Variants in KCNQ5 observed in about 807,000 individuals in gnomAD.
The protein encoded by KCNQ5 is potassium voltage-gated channel subfamily Q member 5, also known as potassium voltage-gated channel subfamily KQT member 5.
Under a neutral mutation model 98.2 loss-of-function variants are expected in KCNQ5, and 30 were observed. The ratio of observed to expected loss-of-function variants is 0.31; its 90% confidence interval spans 0.23 to 0.41. The LOEUF (loss-of-function observed/expected upper bound fraction) is 0.41, where lower values mean the gene tolerates loss of function less well. KCNQ5 is among the 10% of genes least tolerant of loss of function. The probability of loss-of-function intolerance (pLI) is 1.00; values close to 1 mark genes in which losing one functional copy is unlikely to be tolerated. For missense variants in KCNQ5, 835 were observed against 1,182.5 expected, an observed-to-expected ratio of 0.71 and a Z score of 4.31; for synonymous variants, 458 against 449.4, an observed-to-expected ratio of 1.02 and a Z score of -0.24.
chr6:72,793,763 C>T (rs535198606), intron 1 of KCNQ5, among the ~76,000 whole-genome samples: 4 of 152,342 alleles, frequency 2.6e-5, no homozygotes, highest in African/African-American at 9.6e-5. Flanking sequence ...AAGCAGGAAA[C>T]GGAGATGGGA....
In KCNQ5 at chr6:73,077,814, T is replaced by C; in HGVS notation, c.845T>C (p.Phe282Ser). ...IGFLVLIFSS[F>S]LVYLVEKDAN... ...TTTTTGGTTCTTATTTTTTCGTCTT[T>C]CCTTGTCTATCTGGTGGAAAAGGAT... Residue 282 changes from phenylalanine (F) to serine (S), a missense_variant, in exon 5 of 14, where the codon TTC becomes TCC. By Grantham distance (155) the Phe-to-Ser change is radical. This residue lies in a region of KCNQ5 where 30 missense variants were observed against 132.9 expected (regional missense o/e 0.23). Transcript: ENST00000370398. 1 of 1,612,446 alleles carries C rather than the reference T, an allele frequency of 6.2e-7. No homozygotes were observed. Among genetic ancestry groups the C allele is most frequent in the African/African-American group, 1.3e-5 (1 of 75,008 alleles).
chr6:72,896,282 G>A (rs1407541851), intron 1 of KCNQ5, among the ~76,000 whole-genome samples: 2 of 152,192 alleles, frequency 1.3e-5, no homozygotes, highest in South Asian at 2.1e-4. Flanking sequence ...GGAAATGGCA[G>A]ACAAAAAGCA....
At chr6:73,122,259 C>G (rs1775778692) in intron 8 of KCNQ5, among the ~76,000 whole-genome samples, 1 of 152,148 alleles carries the variant, frequency 6.6e-6, no homozygotes, top group Non-Finnish European at 1.5e-5. Flanking sequence ...AGAGAATTCT[C>G]AAGTGACAGA....
At chr6:73,183,230 G>A (rs756736297) in intron 11 of KCNQ5, among the ~76,000 whole-genome samples, 2 of 152,162 alleles carry the variant, frequency 1.3e-5, no homozygotes, top group African/African-American at 2.4e-5. Context: ...CACTGTGAGT[G>A]GAATGGTAAA....
chr6:72,939,502 T>G (rs1766121703), intron 1 of KCNQ5, among the ~76,000 whole-genome samples: 1 of 152,218 alleles, frequency 6.6e-6, no homozygotes, highest in Non-Finnish European at 1.5e-5. Flanking sequence ...GCCTCCAAAC[T>G]TTTTCTTCAA....
chr6:73,052,684 A>G (rs1025103631), intron 3 of KCNQ5, among the ~76,000 whole-genome samples: 1 of 152,236 alleles, frequency 6.6e-6, no homozygotes, highest in Non-Finnish European at 1.5e-5. Context: ...CAGGCGAGCA[A>G]ATGCTAAGGG....
At chr6:73,030,402 A>G (rs566201224) in intron 2 of KCNQ5, among the ~76,000 whole-genome samples, 2 of 152,290 alleles carry the variant, frequency 1.3e-5, no homozygotes, top group Admixed American at 6.5e-5. Flanking sequence ...AAAGCAAGTG[A>G]GCATACTAGT....
chr6:73,150,458 T>A (rs1162243226), intron 10 of KCNQ5, among the ~76,000 whole-genome samples: 2 of 146,898 alleles, frequency 1.4e-5, no homozygotes, highest in East Asian at 2.0e-4. Context: ...TAATATATAT[T>A]TTATTATATA....
intron 1 of KCNQ5, among the ~76,000 whole-genome samples, chr6:72,819,633 C>T (rs1775660413): frequency 6.6e-6 from 1 of 152,078 alleles, no homozygotes; most frequent in South Asian, 2.1e-4. Flanking sequence ...AGATACATGC[C>T]CTTGCTCCAG....
intron 1 of KCNQ5, among the ~76,000 whole-genome samples, chr6:72,899,447 A>G (rs1779389648): frequency 6.6e-6 from 1 of 152,170 alleles, no homozygotes; most frequent in African/African-American, 2.4e-5. Context: ...GGGTCAAACA[A>G]TATGAGTAGT....
At chr6:72,882,479 CATAAAAATAAAA>C (rs1301168904) in intron 1 of KCNQ5, among the ~76,000 whole-genome samples, 1 of 151,942 alleles carries the variant, frequency 6.6e-6, no homozygotes, top group Non-Finnish European at 1.5e-5. Flanking sequence ...CATAAGATAC[CATAAAAATAAAA>C]ATAAAAATGT....
At chr6:72,910,453 GACCATTCTCTTACCTATCA>G (rs1346409957) in intron 1 of KCNQ5, among the ~76,000 whole-genome samples, 5 of 151,898 alleles carry the variant, frequency 3.3e-5, no homozygotes. Flanking sequence ...GCTGCCTATG[GACCATTCTCTTACCTATCA>G]TTCTTCACCC....
chr6:72,978,022 T>A (rs1768239363), intron 1 of KCNQ5, among the ~76,000 whole-genome samples: 1 of 152,154 alleles, frequency 6.6e-6, no homozygotes, highest in East Asian at 1.9e-4. Flanking sequence ...GATACACAAG[T>A]TTTCTGTTCT....
At chr6:72,859,020 TA>T (rs35908564) in intron 1 of KCNQ5, among the ~76,000 whole-genome samples, 39,839 of 151,948 alleles carry the variant, frequency 0.26, 5,375 homozygotes, top group South Asian at 0.31. Context: ...TATTTCAAAA[TA>T]AAAAGTTTTT....
intron 2 of KCNQ5, among the ~76,000 whole-genome samples, chr6:73,026,901 A>C (rs1412049537): frequency 6.6e-6 from 1 of 152,058 alleles, no homozygotes; most frequent in Non-Finnish European, 1.5e-5. Context: ...CACACATTCC[A>C]TAAATGGCAG....
At chr6:72,984,061 C>T (rs1307095976) in intron 1 of KCNQ5, among the ~76,000 whole-genome samples, 2 of 152,148 alleles carry the variant, frequency 1.3e-5, no homozygotes, top group African/African-American at 4.8e-5. Flanking sequence ...AATATTGCTG[C>T]CTGACCCTTC....
intron 1 of KCNQ5, among the ~76,000 whole-genome samples, chr6:72,670,180 A>G (rs1767029446): frequency 6.6e-6 from 1 of 152,190 alleles, no homozygotes; most frequent in African/African-American, 2.4e-5. Context: ...CTAAGTTTTA[A>G]TCAGCTGTTC....
At chr6:72,774,728 GA>G (rs1773079240) in intron 1 of KCNQ5, among the ~76,000 whole-genome samples, 1 of 152,020 alleles carries the variant, frequency 6.6e-6, no homozygotes. Flanking sequence ...CAATAAACAT[GA>G]AAAGGTTCTC....
intron 1 of KCNQ5, among the ~76,000 whole-genome samples, chr6:72,928,788 G>C (rs2882327): frequency 6.6e-6 from 1 of 152,042 alleles, no homozygotes; most frequent in Admixed American, 6.6e-5. Context: ...TTAGACATTA[G>C]AATAAATGCT....
Sources: allele counts gnomAD v4.1 joint callset (sites outside exome capture counted in the v4.1 genomes callset), GRCh38; gene constraint gnomAD v4.1.1; regional missense constraint gnomAD v4.1.1; transcripts MANE v1.5; gene names NCBI Gene and HGNC (gene_info 2026-07-23, HGNC 2026-07-21).